The following TEAD1 variants were observed in gnomAD, a reference collection of about 807,000 sequenced individuals.
The protein encoded by TEAD1 is transcriptional enhancer factor TEF-1.
In TEAD1, 9 loss-of-function variants were observed where a neutral mutation model predicts 54.9. The observed-to-expected ratio is 0.16, with a 90% CI of 0.10 to 0.29. The LOEUF is 0.29. Ranked by LOEUF, TEAD1 falls within the 10% of genes least tolerant of loss-of-function variation. The pLI is 1.00. For missense variants in TEAD1, 387 were observed against 535.9 expected (o/e 0.72, Z 2.74); for synonymous variants, 200 against 187.8 (o/e 1.07, Z -0.53).
chr11:12,706,175 G>A (rs1038645512), intron 2 of TEAD1, among the ~76,000 whole-genome samples: 7 of 152,206 alleles, frequency 4.6e-5, no homozygotes, highest in African/African-American at 1.7e-4. Context: ...GATTTTTAGA[G>A]CTGACCTCAC....
chr11:12,682,252 A>G (rs957729403), intron 2 of TEAD1, among the ~76,000 whole-genome samples: 4 of 152,204 alleles, frequency 2.6e-5, no homozygotes, highest in Admixed American at 1.3e-4. Flanking sequence ...GATGTTCTTC[A>G]TTGGTTTTAA....
chr11:12,916,795 A>AC (rs1948721506), intron 10 of TEAD1, among the ~76,000 whole-genome samples: 1 of 152,234 alleles, frequency 6.6e-6, no homozygotes, highest in African/African-American at 2.4e-5. Context: ...GTAGAGTTTA[A>AC]CAAAAGTAAA....
At chr11:12,693,989 AC>A (rs1467744321) in intron 2 of TEAD1, among the ~76,000 whole-genome samples, 8 of 152,332 alleles carry the variant, frequency 5.3e-5, no homozygotes, top group African/African-American at 1.7e-4. Flanking sequence ...GAACAAAGGC[AC>A]TTGAGTCAAT....
At chr11:12,782,228 G>A (rs1332061509) in intron 3 of TEAD1, among the ~76,000 whole-genome samples, 2 of 152,232 alleles carry the variant, frequency 1.3e-5, no homozygotes, top group South Asian at 2.1e-4. Flanking sequence ...TGATGACTGC[G>A]TAAATAAAAT....
At chr11:12,861,752 C>T (rs1235540537) in intron 3 of TEAD1, among the ~76,000 whole-genome samples, 1 of 152,146 alleles carries the variant, frequency 6.6e-6, no homozygotes, top group Non-Finnish European at 1.5e-5. Context: ...TTAAGGAGGC[C>T]AAGGCGGGTG....
At chr11:12,766,932 C>G (rs1945218676) in intron 3 of TEAD1, among the ~76,000 whole-genome samples, 2 of 152,136 alleles carry the variant, frequency 1.3e-5, no homozygotes. Flanking sequence ...GCAGCCACCC[C>G]CACCTCCAGG....
intron 5 of TEAD1, among the ~76,000 whole-genome samples, chr11:12,867,695 C>A (rs1052021096): frequency 6.6e-6 from 1 of 152,202 alleles, no homozygotes; most frequent in Non-Finnish European, 1.5e-5. Flanking sequence ...CAGGGACAAG[C>A]ATCTTTACCG....
At chr11:12,828,840 AT>A (rs58995760) in intron 3 of TEAD1, among the ~76,000 whole-genome samples, 5,726 of 128,404 alleles carry the variant, frequency 0.045, 140 homozygotes, top group Non-Finnish European at 0.067. Context: ...TTTGTCCTGA[AT>A]TTTTTTTTTT....
At chr11:12,866,534 A>G (rs1947621174) in intron 5 of TEAD1, among the ~76,000 whole-genome samples, 1 of 152,338 alleles carries the variant, frequency 6.6e-6, no homozygotes, top group Admixed American at 6.5e-5. Flanking sequence ...ACATGTACAT[A>G]TGTAAAAATA....
chr11:12,867,452 C>T (rs1947640824), intron 5 of TEAD1, among the ~76,000 whole-genome samples: 2 of 152,228 alleles, frequency 1.3e-5, no homozygotes, highest in South Asian at 2.1e-4. Flanking sequence ...AGCTGCTTGG[C>T]ACCACTCTGA....
At chr11:12,896,290 G>A (rs1198585814) in intron 9 of TEAD1, among the ~76,000 whole-genome samples, 4 of 152,174 alleles carry the variant, frequency 2.6e-5, no homozygotes, top group African/African-American at 9.7e-5. Flanking sequence ...CCTTCCAGGA[G>A]TCCTCAGCTC....
chr11:12,893,628 T>C (rs1181886702), intron 9 of TEAD1, among the ~76,000 whole-genome samples: 1 of 151,940 alleles, frequency 6.6e-6, no homozygotes, highest in African/African-American at 2.4e-5. Context: ...TGCACTTCTG[T>C]GGGGAAGACA....
chr11:12,731,550 T>C (rs952910947), intron 2 of TEAD1, among the ~76,000 whole-genome samples: 2 of 152,120 alleles, frequency 1.3e-5, no homozygotes, highest in Non-Finnish European at 2.9e-5. Context: ...CAATAAATAC[T>C]TACTGCAATT....
chr11:12,858,902 A>G (rs1358305762), intron 3 of TEAD1, among the ~76,000 whole-genome samples: 1 of 152,224 alleles, frequency 6.6e-6, no homozygotes, highest in African/African-American at 2.4e-5. Flanking sequence ...ATAGCCAACT[A>G]CACACCTAGG....
At chr11:12,830,633 A>G (rs992136483) in intron 3 of TEAD1, among the ~76,000 whole-genome samples, 23 of 152,138 alleles carry the variant, frequency 1.5e-4, no homozygotes, top group Admixed American at 4.6e-4. Context: ...GAACGTGCTC[A>G]TCCTTTAAAA....
intron 3 of TEAD1, among the ~76,000 whole-genome samples, chr11:12,831,280 A>C (rs922396789): frequency 6.6e-6 from 1 of 151,966 alleles, no homozygotes; most frequent in Non-Finnish European, 1.5e-5. Flanking sequence ...ATTCTTTCCT[A>C]TAGAGCTTGT....
intron 3 of TEAD1, among the ~76,000 whole-genome samples, chr11:12,803,267 C>T (rs532504586): frequency 1.1e-4 from 17 of 152,044 alleles, no homozygotes; most frequent in Non-Finnish European, 2.2e-4. Context: ...TGTTCTCAGC[C>T]CCTGTACATT....
rs1024345315 is a variant in TEAD1, at chr11:12,675,424, T to C, written c.-192T>C. 3.9e-5 allele frequency: 6 copies of C among 152,300 alleles called. No individual in the cohort carries two copies. Among genetic ancestry groups the C allele is most frequent in the African/African-American group, 1.5e-4 (6 of 41,376 alleles). 9.4% of individuals were successfully genotyped at this position (152,300 alleles called of 1,614,324 possible). Reference sequence around the variant, plus strand: ...GCTTCTCCAGGACTGTTGCTGCCGCTGCCGCCGCCGCTTCATTGCACATTC... The same window carrying C: ...GCTTCTCCAGGACTGTTGCTGCCGCCGCCGCCGCCGCTTCATTGCACATTC... On this transcript the variant is annotated 5_prime_UTR_variant, in exon 2 of 13. Coordinates refer to ENST00000527636, the MANE Select transcript of TEAD1 (RefSeq NM_021961.6).
rs537512812 is a variant in TEAD1, at chr11:12,784,121, C to T, written c.202+19687C>T. Among the ~76,000 whole-genome samples, 24 of 152,184 alleles carry T rather than the reference C, an allele frequency of 1.6e-4. No individual in the cohort carries two copies. In the South Asian group the frequency reaches 4.8e-3, roughly 30 times the overall value. ...GGGGATGGATGGGAAGGACATTTTA[C>T]ATCAGTATATTAGAGATTAGGCATT... On this transcript the variant is annotated intron_variant, in intron 3 of 12. Coordinates refer to ENST00000527636, the MANE Select transcript of TEAD1 (RefSeq NM_021961.6).
Sources: allele counts gnomAD v4.1 joint callset (sites outside exome capture counted in the v4.1 genomes callset), GRCh38; gene constraint gnomAD v4.1.1; transcripts MANE v1.5; gene names NCBI Gene and HGNC (gene_info 2026-07-23, HGNC 2026-07-21).